DOCK1: variants seen among roughly 807,000 people sequenced by gnomAD.
The protein encoded by DOCK1 is dedicator of cytokinesis protein 1.
Under a neutral mutation model 262.7 loss-of-function variants are expected in DOCK1, and 138 were observed. The ratio of observed to expected loss-of-function variants is 0.53; its 90% CI spans 0.46 to 0.61. The LOEUF (loss-of-function observed/expected upper bound fraction) is 0.61, where lower values mean the gene tolerates loss of function less well. Among genes scored for constraint, DOCK1 ranks in the 20% least tolerant of loss-of-function variants. The pLI, the probability that DOCK1 is intolerant of heterozygous loss-of-function variation, is 0.00. For missense variants in DOCK1, 1,908 were observed against 2,370.7 expected (o/e 0.80, Z 4.05); for synonymous variants, 866 against 867.4 (o/e 1.00, Z 0.03).
intron 23 of DOCK1, among the ~76,000 whole-genome samples, chr10:127,099,878 T>C (rs2048132740): frequency 6.6e-6 from 1 of 152,044 alleles, no homozygotes; most frequent in African/African-American, 2.4e-5. Flanking sequence ...GGTACCAGAG[T>C]CTAACTGTGT....
At chr10:127,164,770 GT>G (rs2053931447) in intron 27 of DOCK1, among the ~76,000 whole-genome samples, 2 of 152,130 alleles carry the variant, frequency 1.3e-5, no homozygotes, top group South Asian at 4.2e-4. Flanking sequence ...ATTATTTTGT[GT>G]GTGGACTGCC....
chr10:127,230,450 TGA>T lies in DOCK1; in HGVS notation c.2848-17555_2848-17554del, dbSNP rs2058799462. 3.9e-5 allele frequency among the ~76,000 whole-genome samples: 6 copies of T among 152,312 alleles called. No homozygotes were observed. In the South Asian group the frequency reaches 1.2e-3, roughly 32 times the overall value. ...TTTGAGTTAATTATTGTATATGGTA[TGA>T]GATGAGGTTATAATTTCATTCTTTT... On this transcript the variant is annotated intron_variant, in intron 27 of 51. Coordinates refer to ENST00000623213, the MANE Select transcript of DOCK1 (RefSeq NM_001290223.2).
At chr10:127,102,104 C>T (rs758086538) in intron 23 of DOCK1, among the ~76,000 whole-genome samples, 19 of 152,100 alleles carry the variant, frequency 1.2e-4, no homozygotes, top group Non-Finnish European at 2.4e-4. Context: ...CAGCATGGAT[C>T]GTTCTGGAGT....
At chr10:127,232,836 T>A (rs965484225) in intron 27 of DOCK1, among the ~76,000 whole-genome samples, 11 of 152,182 alleles carry the variant, frequency 7.2e-5, no homozygotes, top group African/African-American at 2.7e-4. Flanking sequence ...TACAAACAAG[T>A]TGTGATTCTG....
intron 29 of DOCK1, among the ~76,000 whole-genome samples, chr10:127,317,263 C>T (rs1353973411): frequency 6.6e-6 from 1 of 152,302 alleles, no homozygotes; most frequent in African/African-American, 2.4e-5. Flanking sequence ...TTTCGAGTCA[C>T]GTCCGTACAT....
chr10:126,948,570 G>C (rs1423860464), intron 1 of DOCK1, among the ~76,000 whole-genome samples: 1 of 151,888 alleles, frequency 6.6e-6, no homozygotes, highest in Non-Finnish European at 1.5e-5. Flanking sequence ...GGTCGGGATA[G>C]GCACCCTGAA....
chr10:127,428,610 G>GGGC (rs2068989988), intron 47 of DOCK1, among the ~76,000 whole-genome samples: 1 of 150,734 alleles, frequency 6.6e-6, no homozygotes, highest in Non-Finnish European at 1.5e-5. Flanking sequence ...CATGTGGATT[G>GGGC]TGCCATGTGG....
intron 38 of DOCK1, among the ~76,000 whole-genome samples, chr10:127,388,823 G>A (rs2066290080): frequency 6.6e-6 from 1 of 152,204 alleles, no homozygotes. Flanking sequence ...TTAGGGGCAG[G>A]TGAGTGTGAG....
intron 31 of DOCK1, among the ~76,000 whole-genome samples, chr10:127,349,231 G>A (rs943287738): frequency 6.6e-6 from 1 of 151,750 alleles, no homozygotes; most frequent in African/African-American, 2.4e-5. Flanking sequence ...TCCGATGCTG[G>A]CTCTGGGCAC....
chr10:126,986,058 T>A (rs2039362619), intron 4 of DOCK1, among the ~76,000 whole-genome samples: 1 of 152,120 alleles, frequency 6.6e-6, no homozygotes, highest in South Asian at 2.1e-4. Context: ...TTCACCATGT[T>A]GGCCAGGCTG....
chr10:127,160,115 G>T (rs1354121212), intron 27 of DOCK1, among the ~76,000 whole-genome samples: 3 of 146,934 alleles, frequency 2.0e-5, no homozygotes, highest in Admixed American at 6.8e-5. Flanking sequence ...AACATGAATT[G>T]TTTGGTTAAA....
chr10:126,928,117 A>G (rs1395150592), intron 1 of DOCK1, among the ~76,000 whole-genome samples: 1 of 152,224 alleles, frequency 6.6e-6, no homozygotes, highest in Non-Finnish European at 1.5e-5. Flanking sequence ...TCGTTGGAGA[A>G]GCTGAAAAAA....
At chr10:127,084,634 CTTTGCTATACCTTTCTAACGGG>C (rs1319359376) in intron 23 of DOCK1, among the ~76,000 whole-genome samples, 8 of 152,330 alleles carry the variant, frequency 5.3e-5, no homozygotes, top group African/African-American at 1.9e-4. Context: ...ACAAAATGTA[CTTTGCTATACCTTTCTAACGGG>C]TTTACATGAG....
chr10:127,285,012 C>G (rs765690524), intron 29 of DOCK1, among the ~76,000 whole-genome samples: 31 of 152,028 alleles, frequency 2.0e-4, no homozygotes, highest in Non-Finnish European at 7.4e-5. Flanking sequence ...TGGTGTGCCC[C>G]CTGTAATCCC....
chr10:127,014,344 C>T (rs1314275449), intron 12 of DOCK1, among the ~76,000 whole-genome samples: 2 of 152,200 alleles, frequency 1.3e-5, no homozygotes, highest in Non-Finnish European at 2.9e-5. Flanking sequence ...ACCCCAAATG[C>T]ACTTTTTTCT....
intron 29 of DOCK1, among the ~76,000 whole-genome samples, chr10:127,291,497 G>A (rs1449898829): frequency 6.6e-6 from 1 of 152,178 alleles, no homozygotes; most frequent in Non-Finnish European, 1.5e-5. Flanking sequence ...GGTGGCCAGT[G>A]CCAGAGTCTT....
At chr10:127,251,432 C>T (rs1227264692) in intron 28 of DOCK1, among the ~76,000 whole-genome samples, 1 of 151,008 alleles carries the variant, frequency 6.6e-6, no homozygotes, top group Non-Finnish European at 1.5e-5. Context: ...GCACAATGTG[C>T]AGGTTAGTTA....
Position 127,145,499 on chromosome 10 carries a change from T to C in DOCK1, c.2847+17735T>C, listed in dbSNP as rs1156238456. The stretch of plus-strand genomic sequence containing the variant: ...CCAACTTTTGACAGAAACTGTGTTA[T>C]AACTGCCTTGAAAAGGAGATGACAC... On this transcript the variant is annotated intron_variant, in intron 27 of 51. Transcript: ENST00000623213. 7.2e-5 allele frequency among the ~76,000 whole-genome samples: 11 copies of C among 152,302 alleles called. No homozygotes were observed. In the East Asian group the frequency reaches 2.1e-3, roughly 29 times the overall value.
At chr10:126,974,811 G>T (rs1231679114) in intron 2 of DOCK1, among the ~76,000 whole-genome samples, 2 of 152,248 alleles carry the variant, frequency 1.3e-5, no homozygotes, top group East Asian at 3.9e-4. Context: ...GTGGCACCCA[G>T]TGTGGTCTCT....
Sources: gnomAD v4.1 joint callset for allele counts (sites outside exome capture counted in the v4.1 genomes callset) on GRCh38, gnomAD v4.1.1 for gene constraint, MANE v1.5 for transcripts, NCBI Gene and HGNC (gene_info 2026-07-23, HGNC 2026-07-21) for gene names.